Variants in ABHD2 observed in about 807,000 individuals in gnomAD.
The protein encoded by ABHD2 is monoacylglycerol lipase ABHD2.
Under a neutral mutation model 48.1 loss-of-function variants are expected in ABHD2, and 20 were observed. That is an observed-to-expected ratio of 0.42 (90% CI 0.29 to 0.60). The LOEUF (loss-of-function observed/expected upper bound fraction) is 0.60. ABHD2 is among the 20% of genes least tolerant of loss of function. The pLI is 0.24. For missense variants in ABHD2, 405 were observed against 550.9 expected (o/e 0.74, Z 2.65); for synonymous variants, 209 against 214.2 (o/e 0.98, Z 0.21).
At chr15:89,121,322 G>A (rs1393919647) in intron 3 of ABHD2, among the ~76,000 whole-genome samples, 1 of 152,100 alleles carries the variant, frequency 6.6e-6, no homozygotes, top group East Asian at 1.9e-4. Flanking sequence ...ACATCAGAGT[G>A]GTCTTTTTAG....
chr15:89,193,169 C>A, intron 9 of ABHD2, 66 bp from the exon 10 acceptor site: 2 of 1,488,066 alleles, frequency 1.3e-6, no homozygotes, highest in Non-Finnish European at 9.4e-7. Context: ...TGAGTTTGAG[C>A]CTTGAATCGA....
At chr15:89,084,078 T>A (rs1199824668), upstream of ABHD2, among the ~76,000 whole-genome samples, 1 of 152,142 alleles carries the variant, frequency 6.6e-6, no homozygotes, top group East Asian at 1.9e-4. The surrounding 1 kb of genome is among the most constrained non-coding windows in gnomAD (Gnocchi z 4.4). Flanking sequence ...CCTCATCCTT[T>A]CCATTTCCCT....
chr15:89,058,432 G>A, the ABHD2 span, among the ~76,000 whole-genome samples: 1 of 152,184 alleles, frequency 6.6e-6, no homozygotes, highest in Admixed American at 6.5e-5. Flanking sequence ...TGCCCCGCAG[G>A]CACAGAAGAG....
At chr15:89,142,652 C>A (rs996673158) in intron 3 of ABHD2, among the ~76,000 whole-genome samples, 1 of 152,184 alleles carries the variant, frequency 6.6e-6, no homozygotes, top group African/African-American at 2.4e-5. Context: ...AGAGGACCCC[C>A]ACGGAGCTCC....
At chr15:89,148,578 C>G (rs1208830429) in intron 3 of ABHD2, among the ~76,000 whole-genome samples, 1 of 152,236 alleles carries the variant, frequency 6.6e-6, no homozygotes, top group Non-Finnish European at 1.5e-5. Flanking sequence ...CCTCTCAGTT[C>G]CATCACAGTG....
At chr15:89,191,215 T>TA (rs2051298793) in intron 9 of ABHD2, 66 bp downstream of exon 9, 1 of 1,511,828 alleles carries the variant, frequency 6.6e-7, no homozygotes, top group Admixed American at 1.8e-5. Context: ...ATACGACAGA[T>TA]ACCTCTCCTG....
chr15:89,145,040 TG>T (rs2050468532), intron 3 of ABHD2, among the ~76,000 whole-genome samples: 2 of 152,136 alleles, frequency 1.3e-5, no homozygotes, highest in Admixed American at 1.3e-4. Context: ...GCAGATCACT[TG>T]AGGTCATGAG....
chr15:89,195,300 G>C lies in ABHD2; in HGVS notation c.1155G>C (p.Leu385=). 1.2e-6 allele frequency: 2 copies of C among 1,614,256 alleles called. No individual in the cohort carries two copies. The highest frequency in any genetic ancestry group is 1.7e-6 in the Non-Finnish European group (2 of 1,180,044). The change falls in exon 11 of 11, where the codon CTG becomes CTC. Residue 385 remains leucine (L), a synonymous_variant. Coordinates refer to ENST00000352732, the MANE Select transcript of ABHD2 (RefSeq NM_152924.5). The surrounding 1 kb of genome is among the most constrained non-coding windows in gnomAD (Gnocchi z 5.1). ...TGGGCTTCTTTGAGGGCTCTGTGCTGTTCCCCGAGCCCCTGACATGGATGG... is the reference window on the plus strand; with the variant it reads ...TGGGCTTCTTTGAGGGCTCTGTGCTCTTCCCCGAGCCCCTGACATGGATGG... ...GHLGFFEGSV[L]FPEPLTWMDK... is the part of the protein sequence containing the mutation.
chr15:89,101,514 T>C (rs1388806873), intron 1 of ABHD2, among the ~76,000 whole-genome samples: 1 of 152,236 alleles, frequency 6.6e-6, no homozygotes, highest in East Asian at 1.9e-4. Context: ...TTTAGGTTAA[T>C]GCCACAGACT....
the ABHD2 span, among the ~76,000 whole-genome samples, chr15:89,078,013 C>G: frequency 2.0e-5 from 3 of 152,266 alleles, no homozygotes; most frequent in Non-Finnish European, 4.4e-5. Context: ...ATATGTGTCA[C>G]CAAAATCTCA....
At chr15:89,065,940 A>G in the ABHD2 span, among the ~76,000 whole-genome samples, 1 of 152,178 alleles carries the variant, frequency 6.6e-6, no homozygotes, top group Admixed American at 6.5e-5. Flanking sequence ...CTTTACATAC[A>G]TTATCTGAAG....
intron 3 of ABHD2, among the ~76,000 whole-genome samples, chr15:89,143,286 C>T (rs1596110554): frequency 6.6e-6 from 1 of 152,258 alleles, no homozygotes; most frequent in East Asian, 1.9e-4. Context: ...TAACTATTGC[C>T]AGTTTTATTA....
At chr15:89,069,696 T>TTTTTTTG in the ABHD2 span, among the ~76,000 whole-genome samples, 1 of 140,798 alleles carries the variant, frequency 7.1e-6, no homozygotes, top group Non-Finnish European at 1.5e-5. Flanking sequence ...TTTTTTTTTT[T>TTTTTTTG]TGAGATGGAA....
At chr15:89,079,412 T>A in the ABHD2 span, among the ~76,000 whole-genome samples, 67,743 of 152,066 alleles carry the variant, frequency 0.45, 15,381 homozygotes, top group African/African-American at 0.47. This position sits in a 1 kb window ranked among gnomAD's most constrained non-coding sequence, Gnocchi z 4.3. Flanking sequence ...GAACTATGGT[T>A]ACTTGTGTTT....
chr15:89,148,118 CAAA>C (rs10711138), intron 3 of ABHD2, among the ~76,000 whole-genome samples: 31 of 69,558 alleles, frequency 4.5e-4, no homozygotes, highest in African/African-American at 1.5e-3. Context: ...GACTCCGTCT[CAAA>C]AAAAAAAAAA....
In ABHD2 at chr15:89,116,603, A is replaced by G. The variant is rs1165206499; in HGVS notation, c.194+82A>G. On this transcript the variant is annotated intron_variant, in intron 3 of 10. Transcript: ENST00000352732. The surrounding 1 kb of genome is among the most constrained non-coding windows in gnomAD (Gnocchi z 4.6). ...GATGTTCAAAGAAGAAACTTCTCTCATCGTGTCCTTAAGGCATCAATGGGA... is the reference window on the plus strand; with the variant it reads ...GATGTTCAAAGAAGAAACTTCTCTCGTCGTGTCCTTAAGGCATCAATGGGA... 6.9e-7 allele frequency: 1 copy of G among 1,453,594 alleles called. No individual in the cohort carries two copies. Among genetic ancestry groups the G allele is most frequent in the South Asian group, 1.3e-5 (1 of 76,252 alleles). 90.0% of individuals were successfully genotyped at this position (1,453,594 alleles called of 1,614,324 possible).
intron 1 of ABHD2, among the ~76,000 whole-genome samples, chr15:89,110,905 C>G (rs982297733): frequency 6.6e-6 from 1 of 152,212 alleles, no homozygotes; most frequent in Non-Finnish European, 1.5e-5. Flanking sequence ...GGTCCCCTTA[C>G]ATAAAGTCCC....
chr15:89,128,785 C>A (rs2050174877), intron 3 of ABHD2, among the ~76,000 whole-genome samples: 1 of 152,040 alleles, frequency 6.6e-6, no homozygotes, highest in East Asian at 1.9e-4. Flanking sequence ...GCCCTATGGT[C>A]TGTGGGGGGG....
intron 1 of ABHD2, among the ~76,000 whole-genome samples, chr15:89,108,036 G>A (rs1455365479): frequency 6.6e-6 from 1 of 152,176 alleles, no homozygotes; most frequent in Non-Finnish European, 1.5e-5. Flanking sequence ...GTCATCTGTG[G>A]GTGTTCATGT....
Sources: gnomAD v4.1 joint callset for allele counts (sites outside exome capture counted in the v4.1 genomes callset) on GRCh38, gnomAD v4.1.1 for gene constraint, Gnocchi (gnomAD v3.1) non-coding constraint, MANE v1.5 for transcripts, NCBI Gene and HGNC (gene_info 2026-07-23, HGNC 2026-07-21) for gene names.